ZNF106: variants seen among roughly 807,000 people sequenced by gnomAD.
ZNF106 encodes SH3-domain binding protein 3.
ZNF106 carries 67 observed loss-of-function variants against 195.1 expected under a neutral mutation model. That is an observed-to-expected ratio of 0.34 (90% confidence interval 0.28 to 0.42). ZNF106 has a LOEUF of 0.42. ZNF106 is among the 10% of genes least tolerant of loss of function. The pLI is 1.00. For synonymous variants in ZNF106, 784 were observed against 818.6 expected (o/e 0.96, Z 0.72); for missense variants, 2,118 against 2,304.5 (o/e 0.92, Z 1.66).
intron 1 of ZNF106, chr15:42,490,359 C>T (rs1240200114): frequency 1.3e-5 from 2 of 151,980 alleles, no homozygotes; most frequent in African/African-American, 4.8e-5. Flanking sequence ...TGCTAAAAGC[C>T]ACGGATATCT....
Position 42,451,216 on chromosome 15 carries a change from A to C in ZNF106, c.1056T>G (p.Thr352=). 6.2e-7 allele frequency: 1 copy of C among 1,614,044 alleles called. No individual in the cohort carries two copies. Among genetic ancestry groups the C allele is most frequent in the African/African-American group, 1.3e-5 (1 of 75,016 alleles). The change falls in exon 5 of 22, where the codon ACT becomes ACG. Residue 352 remains threonine, a synonymous_variant. Transcript: ENST00000564754. ...TCTTTCCACTAACTTTGGAAGTAGCAGTGTCTGCTTGTTTAGTGGTTTGGC... is the reference window on the plus strand; with the variant it reads ...TCTTTCCACTAACTTTGGAAGTAGCCGTGTCTGCTTGTTTAGTGGTTTGGC... ...LESQTTKQAD[T]ATSKVSGKNG... is the part of the protein sequence containing the mutation.
chr15:42,485,647 C>T (rs928708407), intron 1 of ZNF106, among the ~76,000 whole-genome samples: 3 of 151,994 alleles, frequency 2.0e-5, no homozygotes, highest in African/African-American at 7.3e-5. Flanking sequence ...TACCTTGTAA[C>T]CTTAGCTGCT....
chr15:42,447,561 G>A (rs935383028), intron 6 of ZNF106, among the ~76,000 whole-genome samples: 9 of 152,108 alleles, frequency 5.9e-5, no homozygotes, highest in African/African-American at 2.2e-4. Flanking sequence ...AAAGGCCAGG[G>A]TGGGTAACTG....
intron 4 of ZNF106, among the ~76,000 whole-genome samples, chr15:42,452,185 A>C (rs2056056436): frequency 6.6e-6 from 1 of 152,174 alleles, no homozygotes; most frequent in African/African-American, 2.4e-5. Context: ...CTTAAATTTC[A>C]AGTAATTACA....
chr15:42,438,208 G>A (rs778318284), intron 12 of ZNF106, among the ~76,000 whole-genome samples: 7 of 152,024 alleles, frequency 4.6e-5, no homozygotes, highest in Admixed American at 2.6e-4. Context: ...CCAACATGAC[G>A]AAACCCTGTC....
At chr15:42,456,724 T>G (rs1392115899) in intron 4 of ZNF106, among the ~76,000 whole-genome samples, 1 of 152,054 alleles carries the variant, frequency 6.6e-6, no homozygotes, top group Non-Finnish European at 1.5e-5. Context: ...TGGCAAAAAT[T>G]TCAGATATGT....
At chr15:42,486,304 G>C (rs117136799) in intron 1 of ZNF106, among the ~76,000 whole-genome samples, 4,825 of 151,716 alleles carry the variant, frequency 0.032, 123 homozygotes, top group Non-Finnish European at 0.043. Flanking sequence ...CTATCACCTG[G>C]GGTAGAGTGC....
intron 4 of ZNF106, 138 bp downstream of exon 4, chr15:42,456,820 G>A: frequency 2.6e-6 from 2 of 773,302 alleles, no homozygotes; most frequent in East Asian, 2.6e-5. Flanking sequence ...ATTGCCCTTT[G>A]ATTAGTAAGA....
rs371853258 is a variant in ZNF106 at position 42,457,065 on chromosome 15, G to A, written c.210C>T (p.Asn70=). The change falls in exon 4 of 22, where the codon AAC becomes AAT. Residue 70 remains asparagine, a synonymous_variant. Coordinates refer to ENST00000564754, the MANE Select transcript of ZNF106 (RefSeq NM_001366845.3). ...KHISGQLHKD[N]VDAQEREDDG... ...CATCTTCTCTTTCCTGGGCATCAACGTTATCTTTGTGCAACTGGCCAGAAA... is the reference window on the plus strand; with the variant it reads ...CATCTTCTCTTTCCTGGGCATCAACATTATCTTTGTGCAACTGGCCAGAAA... 9.3e-6 allele frequency: 15 copies of A among 1,611,882 alleles called. No homozygotes were observed. Among genetic ancestry groups the A allele is most frequent in the Middle Eastern group, 1.6e-4 (1 of 6,084 alleles).
chr15:42,485,711 TAA>T (rs1482500988), intron 1 of ZNF106, among the ~76,000 whole-genome samples: 1 of 152,040 alleles, frequency 6.6e-6, no homozygotes, highest in Non-Finnish European at 1.5e-5. Flanking sequence ...CGTTGGAAAA[TAA>T]AAGAGTGGAT....
chr15:42,443,935 G>C (rs561739888), intron 9 of ZNF106, among the ~76,000 whole-genome samples: 1 of 151,808 alleles, frequency 6.6e-6, no homozygotes, highest in African/African-American at 2.4e-5. Flanking sequence ...GGCGAACCCT[G>C]TAACCCTGTC....
intron 2 of ZNF106, among the ~76,000 whole-genome samples, chr15:42,468,559 A>G (rs2056586833): frequency 6.6e-6 from 1 of 151,268 alleles, no homozygotes; most frequent in Admixed American, 6.6e-5. Flanking sequence ...CCTGACCAAC[A>G]TGGTGATACC....
chr15:42,466,177 C>T (rs922933430), intron 2 of ZNF106, 63 bp from the exon 3 acceptor site: 1 of 1,331,852 alleles, frequency 7.5e-7, no homozygotes, highest in Non-Finnish European at 1.0e-6. Context: ...AAAAACTCCT[C>T]TGTTCCTCCT....
rs2054765825 is a variant in ZNF106, at chr15:42,424,056, A to G, written c.5195T>C (p.Val1732Ala). The change falls in exon 17 of 22, where the codon GTG (valine) becomes GCG (alanine). Residue 1732 changes from valine (V) to alanine (A), a missense_variant. Val to Ala is a moderately conservative substitution (Grantham distance 64). Transcript: ENST00000564754. ...HSKTILCMKV[V>A]NDLVFSGSSD... ...GGAGCCACTGAACACGAGATCATTC[A>G]CCACCTTAAAGAAAAAATTAAACAA... The G allele has an allele frequency of 1.2e-6, 2 of 1,612,548 alleles. No homozygotes were observed. Among genetic ancestry groups the G allele is most frequent in the Non-Finnish European group, 1.7e-6 (2 of 1,179,594 alleles).
intron 2 of ZNF106, among the ~76,000 whole-genome samples, chr15:42,471,514 T>C (rs1369086945): frequency 6.6e-6 from 1 of 152,124 alleles, no homozygotes; most frequent in Non-Finnish European, 1.5e-5. Flanking sequence ...GTGAAAAACC[T>C]GTGGTCAGGA....
intron 9 of ZNF106, among the ~76,000 whole-genome samples, chr15:42,443,781 G>C (rs2055648191): frequency 6.6e-6 from 1 of 151,748 alleles, no homozygotes. Context: ...GAAATAACAT[G>C]ACCTTTTCAT....
At chr15:42,454,358 T>C (rs933459182) in intron 4 of ZNF106, among the ~76,000 whole-genome samples, 70 of 152,302 alleles carry the variant, frequency 4.6e-4, no homozygotes, top group Non-Finnish European at 9.3e-4. Context: ...CTTTTGATTC[T>C]ATGCAATATG....
chr15:42,460,441 C>G (rs1365040864), intron 3 of ZNF106, among the ~76,000 whole-genome samples: 3 of 152,198 alleles, frequency 2.0e-5, no homozygotes, highest in African/African-American at 7.2e-5. Context: ...ATGTTGGATT[C>G]TTAACAGTGG....
Position 42,434,581 on chromosome 15 carries a change from T to C in ZNF106, c.4881+803A>G, listed in dbSNP as rs116412949. ...TGTTATCACATATATTCCACCTATG[T>C]TATAAACTTAATGATAGTCATAAAT... On this transcript the variant is annotated intron_variant, in intron 14 of 21. Coordinates refer to ENST00000564754, the MANE Select transcript of ZNF106 (RefSeq NM_001366845.3). Among the ~76,000 whole-genome samples, 1,258 of 152,316 alleles carry C rather than the reference T, an allele frequency of 8.3e-3. 19 individuals are homozygous for C. The highest frequency in any genetic ancestry group is 0.029 in the African/African-American group (1,209 of 41,574).
Sources: gnomAD v4.1 joint callset for allele counts (sites outside exome capture counted in the v4.1 genomes callset) on GRCh38, gnomAD v4.1.1 for gene constraint, MANE v1.5 for transcripts, NCBI Gene and HGNC (gene_info 2026-07-23, HGNC 2026-07-21) for gene names.